Variants in GPC6 observed in about 807,000 individuals in gnomAD.
The protein encoded by GPC6 is glypican 6.
Under a neutral mutation model 55.2 loss-of-function variants are expected in GPC6, and 14 were observed. The observed-to-expected ratio is 0.25, with a 90% CI of 0.17 to 0.40. GPC6 has a LOEUF of 0.40. Ranked by LOEUF, GPC6 falls within the 10% of genes least tolerant of loss-of-function variation. The pLI, the probability that GPC6 is intolerant of heterozygous loss-of-function variation, is 1.00. For synonymous variants in GPC6, 278 were observed against 259.6 expected (o/e 1.07, Z -0.68); for missense variants, 641 against 708.5 (o/e 0.90, Z 1.08).
intron 6 of GPC6, among the ~76,000 whole-genome samples, chr13:94,381,737 GA>G (rs1016414980): frequency 6.6e-6 from 1 of 152,190 alleles, no homozygotes; most frequent in Non-Finnish European, 1.5e-5. Context: ...TTCTGCAAGT[GA>G]AAAGTCAGTG....
chr13:93,642,125 G>A (rs1250974944), intron 2 of GPC6, among the ~76,000 whole-genome samples: 1 of 152,022 alleles, frequency 6.6e-6, no homozygotes, highest in Admixed American at 6.6e-5. Context: ...GTATCCAATA[G>A]GTAGTGTTTA....
chr13:93,364,592 C>T (rs933697695), intron 1 of GPC6, among the ~76,000 whole-genome samples: 15 of 151,390 alleles, frequency 9.9e-5, no homozygotes, highest in Admixed American at 3.3e-4. Flanking sequence ...ATTAAGTGAG[C>T]CTTGTTTGAA....
intron 1 of GPC6, among the ~76,000 whole-genome samples, chr13:93,313,062 T>C (rs556777932): frequency 2.8e-4 from 43 of 152,290 alleles, no homozygotes; most frequent in African/African-American, 9.4e-4. Flanking sequence ...TGTCAGCACA[T>C]GTTAACTCTA....
intron 1 of GPC6, among the ~76,000 whole-genome samples, chr13:93,524,017 G>T (rs192842724): frequency 6.6e-6 from 1 of 151,934 alleles, no homozygotes; most frequent in South Asian, 2.1e-4. Flanking sequence ...TGGAAAGAGA[G>T]GGGGGAAAGT....
intron 2 of GPC6, among the ~76,000 whole-genome samples, chr13:93,739,522 C>T (rs897437149): frequency 3.9e-5 from 6 of 151,956 alleles, no homozygotes; most frequent in South Asian, 2.1e-4. Context: ...CTCTGCCTCC[C>T]GGGTTCGCGC....
chr13:93,758,027 AT>A (rs1171040649), intron 2 of GPC6, among the ~76,000 whole-genome samples: 1 of 149,448 alleles, frequency 6.7e-6, no homozygotes, highest in East Asian at 1.9e-4. Flanking sequence ...ATATTTTCCC[AT>A]TTTTTCCTCA....
intron 2 of GPC6, among the ~76,000 whole-genome samples, chr13:93,666,352 A>G (rs950682240): frequency 1.3e-5 from 2 of 152,302 alleles, no homozygotes; most frequent in African/African-American, 4.8e-5. Flanking sequence ...TTTAAAAAAA[A>G]AAAGGTCAAA....
chr13:93,829,363 T>G (rs903535601), intron 2 of GPC6, among the ~76,000 whole-genome samples: 3 of 152,186 alleles, frequency 2.0e-5, no homozygotes, highest in Non-Finnish European at 2.9e-5. Context: ...TCTTATTTTT[T>G]TGCATCCTAT....
the GPC6 span, among the ~76,000 whole-genome samples, chr13:93,219,105 T>C: frequency 2.1e-5 from 3 of 143,396 alleles, no homozygotes; most frequent in South Asian, 2.2e-4. Flanking sequence ...TTTTTTTTTT[T>C]CTTTTTTAGA....
chr13:93,968,794 A>C (rs1041050562), intron 3 of GPC6, among the ~76,000 whole-genome samples: 2 of 152,308 alleles, frequency 1.3e-5, no homozygotes, highest in African/African-American at 4.8e-5. Flanking sequence ...TTTAATAGGA[A>C]ATATATATTA....
chr13:93,673,167 G>C (rs1881439427), intron 2 of GPC6, among the ~76,000 whole-genome samples: 1 of 152,104 alleles, frequency 6.6e-6, no homozygotes, highest in Admixed American at 6.6e-5. Flanking sequence ...AGAAGGAGGA[G>C]GCAGAGCATG....
At chr13:93,708,936 C>T (rs1184547809) in intron 2 of GPC6, among the ~76,000 whole-genome samples, 1 of 151,688 alleles carries the variant, frequency 6.6e-6, no homozygotes, top group East Asian at 2.0e-4. Flanking sequence ...ATTGCCCAAG[C>T]CACACAGGGA....
chr13:93,733,078 T>C (rs1189422180), intron 2 of GPC6, among the ~76,000 whole-genome samples: 4 of 152,114 alleles, frequency 2.6e-5, no homozygotes, highest in African/African-American at 9.7e-5. Context: ...AGATAAATTA[T>C]ATAGGTTATA....
rs147979238 is a variant in GPC6, at chr13:94,075,287, G to A, written c.877+47393G>A. Reference sequence around the variant, plus strand: ...AATACTGATATATAAAACACTGCACGTTTAATGAACACATTACCCTTGAAG... The same window carrying A: ...AATACTGATATATAAAACACTGCACATTTAATGAACACATTACCCTTGAAG... On this transcript the variant is annotated intron_variant, in intron 4 of 8. Transcript: ENST00000377047. 1.9e-3 allele frequency among the ~76,000 whole-genome samples: 289 copies of A among 152,242 alleles called. 2 individuals carry two copies. The highest frequency in any genetic ancestry group is 3.7e-3 in the Non-Finnish European group (254 of 67,992).
chr13:94,148,191 T>C (rs1472971668), intron 4 of GPC6, among the ~76,000 whole-genome samples: 5 of 152,214 alleles, frequency 3.3e-5, no homozygotes, highest in African/African-American at 1.2e-4. Flanking sequence ...TTAAATTTTA[T>C]GAACCAGGAT....
intron 4 of GPC6, among the ~76,000 whole-genome samples, chr13:94,161,369 C>G (rs1488683639): frequency 6.6e-6 from 1 of 152,140 alleles, no homozygotes; most frequent in Non-Finnish European, 1.5e-5. Flanking sequence ...CAATCACTGA[C>G]AGAGGTAGAT....
intron 3 of GPC6, among the ~76,000 whole-genome samples, chr13:93,834,644 T>C (rs555438108): frequency 5.3e-5 from 8 of 152,262 alleles, no homozygotes; most frequent in African/African-American, 1.4e-4. Flanking sequence ...TAAAGCTTTT[T>C]TAATGAAATA....
chr13:93,891,733 GTA>G (rs1566589284), intron 3 of GPC6, among the ~76,000 whole-genome samples: 1 of 151,902 alleles, frequency 6.6e-6, no homozygotes, highest in African/African-American at 2.4e-5. Context: ...GTGTGTGTGT[GTA>G]TGTATACATA....
At chr13:93,818,294 T>G (rs996529160) in intron 2 of GPC6, 1 of 152,004 alleles carries the variant, frequency 6.6e-6, no homozygotes, top group African/African-American at 2.4e-5. Flanking sequence ...AATTTTCACA[T>G]TTTTCAGTAT....
Sources: gnomAD v4.1 joint callset for allele counts (sites outside exome capture counted in the v4.1 genomes callset) on GRCh38, gnomAD v4.1.1 for gene constraint, MANE v1.5 for transcripts, NCBI Gene and HGNC (gene_info 2026-07-23, HGNC 2026-07-21) for gene names.